WRN: variants seen among roughly 807,000 people sequenced by gnomAD.
WRN encodes bifunctional 3'-5' exonuclease/ATP-dependent helicase WRN.
A neutral mutation model predicts 180.7 loss-of-function variants in WRN; 149 were observed. That is an observed-to-expected ratio of 0.82 (90% CI 0.72 to 0.94). The LOEUF is 0.94. Ranked by LOEUF, WRN falls within the 40% of genes least tolerant of loss-of-function variation. The pLI, the probability that WRN is intolerant of heterozygous loss-of-function variation, is 0.00. For synonymous variants in WRN, 548 were observed against 568.9 expected (o/e 0.96, Z 0.52); for missense variants, 1,661 against 1,700.1 (o/e 0.98, Z 0.40).
chr8:31,148,759 T>C (rs1437970430), intron 30 of WRN, among the ~76,000 whole-genome samples: 1 of 152,234 alleles, frequency 6.6e-6, no homozygotes, highest in Non-Finnish European at 1.5e-5. Context: ...GATGCTTCTG[T>C]AGCACTTACC....
intron 34 of WRN, among the ~76,000 whole-genome samples, chr8:31,168,937 A>G (rs574635645): frequency 4.5e-4 from 68 of 152,312 alleles, no homozygotes; most frequent in African/African-American, 1.6e-3. Flanking sequence ...CTTGGCATTG[A>G]TAATTCTGAT....
intron 24 of WRN, among the ~76,000 whole-genome samples, chr8:31,134,030 TAAG>T (rs1306489252): frequency 4.6e-5 from 7 of 152,112 alleles, no homozygotes; most frequent in Non-Finnish European, 7.4e-5. Context: ...GTCCTCAAAT[TAAG>T]AAGTCTATCC....
At chr8:31,091,983 C>T in intron 16 of WRN, 85 bp downstream of exon 16, 1 of 1,251,310 alleles carries the variant, frequency 8.0e-7, no homozygotes, top group Non-Finnish European at 1.2e-6. Context: ...TTACATGTTG[C>T]TGAGGAAGTT....
At chr8:31,113,277 A>G (rs1224808264) in intron 19 of WRN, among the ~76,000 whole-genome samples, 5 of 152,030 alleles carry the variant, frequency 3.3e-5, no homozygotes, top group Admixed American at 2.6e-4. Flanking sequence ...AAAGAACATC[A>G]TTGGTGTTTT....
At chr8:31,049,751 C>T (rs1441180457) in intron 1 of WRN, among the ~76,000 whole-genome samples, 1 of 151,974 alleles carries the variant, frequency 6.6e-6, no homozygotes, top group African/African-American at 2.4e-5. Flanking sequence ...AGATTCCTGA[C>T]CTCTCTAAGG....
chr8:31,165,191 CATG>C (rs1803805218), intron 33 of WRN, among the ~76,000 whole-genome samples: 1 of 151,960 alleles, frequency 6.6e-6, no homozygotes, highest in Non-Finnish European at 1.5e-5. Context: ...TAGCGCATTA[CATG>C]ATAATAGCTC....
chr8:31,055,658 G>A (rs1488937262), intron 1 of WRN, among the ~76,000 whole-genome samples: 1 of 151,748 alleles, frequency 6.6e-6, no homozygotes. Context: ...GTAGATTCTG[G>A]ATATAGACCT....
At chr8:31,125,569 T>TATATATATATATATATATATATATATA in intron 23 of WRN, among the ~76,000 whole-genome samples, 2 of 129,326 alleles carry the variant, frequency 1.5e-5, no homozygotes, top group African/African-American at 2.8e-5. Flanking sequence ...TATATATATA[T>TATATATATATATATATATATATATATA]GGGGAGGGAA....
intron 33 of WRN, among the ~76,000 whole-genome samples, chr8:31,161,893 C>T (rs948449010): frequency 6.0e-5 from 9 of 150,494 alleles, no homozygotes; most frequent in Non-Finnish European, 1.0e-4. Context: ...GCACTTACCA[C>T]GAATGGAGCT....
Position 31,056,197 on chromosome 8 carries a change from T to G in WRN, c.-76-2175T>G, listed in dbSNP as rs186536333. Among the ~76,000 whole-genome samples the G allele has an allele frequency of 2.7e-3, 412 of 152,322 alleles. 1 individual carries two copies. The highest frequency in any genetic ancestry group is 6.3e-3 in the Admixed American group (96 of 15,292). ...ACAAAATTTTAGAAGTCTACAGGTG[T>G]TTTTATAAAGTTTGTGTTATTTGTG... On this transcript the variant is annotated intron_variant, in intron 1 of 34. Transcript: ENST00000298139.
At chr8:31,104,251 A>G (rs1800998742) in intron 18 of WRN, among the ~76,000 whole-genome samples, 1 of 152,092 alleles carries the variant, frequency 6.6e-6, no homozygotes, top group Non-Finnish European at 1.5e-5. Flanking sequence ...TTTTTATTTT[A>G]GCCATTTCGA....
intron 24 of WRN, among the ~76,000 whole-genome samples, chr8:31,139,440 TTATAA>T (rs1453739307): frequency 1.3e-5 from 2 of 152,224 alleles, no homozygotes; most frequent in African/African-American, 4.8e-5. Flanking sequence ...ATTAAATGGC[TTATAA>T]TATTGTTGAC....
At chr8:31,141,827 A>C (rs1261086781) in intron 26 of WRN, 52 bp downstream of exon 26, 1 of 1,542,990 alleles carries the variant, frequency 6.5e-7, no homozygotes, top group Admixed American at 1.7e-5. Flanking sequence ...GTTGCTATTT[A>C]TGTGATTCAA....
intron 30 of WRN, among the ~76,000 whole-genome samples, chr8:31,149,454 T>G (rs1375035252): frequency 7.9e-5 from 6 of 76,360 alleles, no homozygotes; most frequent in South Asian, 5.7e-4. Context: ...TTAATAGAGG[T>G]GTTTTTTTTT....
At chr8:31,148,675 G>C (rs918600266) in intron 30 of WRN, among the ~76,000 whole-genome samples, 1 of 152,244 alleles carries the variant, frequency 6.6e-6, no homozygotes, top group Middle Eastern at 3.4e-3. Flanking sequence ...ACTATGAGAA[G>C]GTCTTTCATG....
At chr8:31,036,562 A>G (rs1249768676) in intron 1 of WRN, among the ~76,000 whole-genome samples, 2 of 152,118 alleles carry the variant, frequency 1.3e-5, no homozygotes, top group Admixed American at 6.6e-5. Context: ...GTGTGAGGTG[A>G]TATCTCATTG....
At chr8:31,145,380 C>T (rs980432440) in intron 28 of WRN, among the ~76,000 whole-genome samples, 1 of 152,216 alleles carries the variant, frequency 6.6e-6, no homozygotes, top group African/African-American at 2.4e-5. Flanking sequence ...TATATCTACT[C>T]TGCCTTTGCT....
intron 34 of WRN, among the ~76,000 whole-genome samples, chr8:31,167,638 A>G (rs905080363): frequency 3.3e-5 from 5 of 152,112 alleles, no homozygotes; most frequent in East Asian, 1.9e-4. Flanking sequence ...CTCTGTTAGT[A>G]TGATATTGAA....
chr8:31,091,939 G>T, intron 16 of WRN, 41 bp downstream of exon 16: 2 of 1,587,552 alleles, frequency 1.3e-6, no homozygotes, highest in Non-Finnish European at 1.7e-6. Context: ...TTGGATTTAT[G>T]GGGGTGCATA....
Sources: allele counts gnomAD v4.1 joint callset (sites outside exome capture counted in the v4.1 genomes callset), GRCh38; gene constraint gnomAD v4.1.1; transcripts MANE v1.5; gene names NCBI Gene and HGNC (gene_info 2026-07-23, HGNC 2026-07-21).